Variants in SOX6 observed in about 807,000 individuals in gnomAD.
The protein encoded by SOX6 is transcription factor SOX-6.
In SOX6, 11 loss-of-function variants were observed where a neutral mutation model predicts 97.8. The ratio of observed to expected loss-of-function variants is 0.11; its 90% confidence interval spans 0.07 to 0.19. SOX6 has a LOEUF of 0.19. SOX6 is among the 10% of genes least tolerant of loss of function. SOX6 has a pLI of 1.00. For synonymous variants in SOX6, 360 were observed against 371.4 expected (o/e 0.97, Z 0.35); for missense variants, 810 against 1,039.5 (o/e 0.78, Z 3.04).
chr11:16,623,557 C>T (rs1052563262), intron 3 of SOX6, among the ~76,000 whole-genome samples: 3 of 152,062 alleles, frequency 2.0e-5, no homozygotes, highest in African/African-American at 7.2e-5. Context: ...CAGAAGCTTT[C>T]GAGTTTAATT....
At chr11:16,738,292 C>T (rs1329443459) in intron 1 of SOX6, 1 of 164,310 alleles carries the variant, frequency 6.1e-6, no homozygotes, top group Non-Finnish European at 1.4e-5. Context: ...TTCAGTCAGC[C>T]TCAAACATTA....
At chr11:16,688,191 C>A (rs957151473) in intron 3 of SOX6, among the ~76,000 whole-genome samples, 8 of 152,076 alleles carry the variant, frequency 5.3e-5, no homozygotes, top group Admixed American at 3.3e-4. Flanking sequence ...CTAGGCTGGT[C>A]TCGAACTCCT....
chr11:16,301,405 A>G (rs890840536), intron 3 of SOX6, among the ~76,000 whole-genome samples: 1 of 152,156 alleles, frequency 6.6e-6, no homozygotes, highest in African/African-American at 2.4e-5. Context: ...GAGTATATCT[A>G]CTATACCATA....
intron 2 of SOX6, among the ~76,000 whole-genome samples, chr11:16,720,766 G>A (rs1848254996): frequency 6.6e-6 from 1 of 151,970 alleles, no homozygotes; most frequent in Non-Finnish European, 1.5e-5. Flanking sequence ...AGTTAATACT[G>A]TATAAAGTAT....
chr11:16,120,074 T>C (rs932557807), intron 6 of SOX6, among the ~76,000 whole-genome samples: 3 of 151,888 alleles, frequency 2.0e-5, no homozygotes, highest in Non-Finnish European at 2.9e-5. Context: ...GTTTGTTTGT[T>C]TGTTTGTTAT....
intron 1 of SOX6, among the ~76,000 whole-genome samples, chr11:16,362,740 C>T (rs971361283): frequency 1.6e-4 from 25 of 152,044 alleles, no homozygotes; most frequent in African/African-American, 4.3e-4. Context: ...TAAATAAAAA[C>T]GCCTGCTTCA....
At chr11:16,254,817 C>G (rs914111892) in intron 3 of SOX6, among the ~76,000 whole-genome samples, 1 of 151,836 alleles carries the variant, frequency 6.6e-6, no homozygotes. Context: ...ATACACCAAT[C>G]TAAAAACAGA....
chr11:16,198,606 AG>A (rs1181584453), intron 4 of SOX6, among the ~76,000 whole-genome samples: 1 of 152,194 alleles, frequency 6.6e-6, no homozygotes, highest in Non-Finnish European at 1.5e-5. Context: ...CACAACTGGT[AG>A]TACTTAAAAA....
chr11:16,271,033 T>A (rs1321429257), intron 3 of SOX6, among the ~76,000 whole-genome samples: 1 of 151,418 alleles, frequency 6.6e-6, no homozygotes, highest in Non-Finnish European at 1.5e-5. Flanking sequence ...TATATTTATT[T>A]TACCACAGTA....
intron 4 of SOX6, among the ~76,000 whole-genome samples, chr11:16,560,436 TACATATATGTTTATAC>T: frequency 7.6e-6 from 1 of 131,400 alleles, no homozygotes; most frequent in Non-Finnish European, 1.8e-5. Context: ...TGTTTATACG[TACATATATGTTTATAC>T]GTACATATAT....
At chr11:16,581,850 T>A (rs1167044457) in intron 4 of SOX6, among the ~76,000 whole-genome samples, 1 of 150,954 alleles carries the variant, frequency 6.6e-6, no homozygotes, top group African/African-American at 2.4e-5. Flanking sequence ...TAATCCCAGG[T>A]ACTTGGGAGG....
At chr11:16,726,178 G>A (rs1339842540) in intron 2 of SOX6, among the ~76,000 whole-genome samples, 2 of 146,312 alleles carry the variant, frequency 1.4e-5, no homozygotes, top group African/African-American at 4.8e-5. Context: ...GGAGGCCAAG[G>A]CGGGAGGATT....
At chr11:16,037,342 G>A (rs1855545262) in intron 12 of SOX6, among the ~76,000 whole-genome samples, 1 of 152,136 alleles carries the variant, frequency 6.6e-6, no homozygotes. Flanking sequence ...CACTAAACTT[G>A]TGATATGTCC....
At chr11:15,976,161 G>A (rs1046286346) in intron 15 of SOX6, among the ~76,000 whole-genome samples, 4 of 152,112 alleles carry the variant, frequency 2.6e-5, no homozygotes, top group East Asian at 3.9e-4. Context: ...ACAACTGTTC[G>A]AGGTTGTACA....
At chr11:16,513,144 T>C (rs868641255) in intron 4 of SOX6, among the ~76,000 whole-genome samples, 9 of 152,330 alleles carry the variant, frequency 5.9e-5, no homozygotes, top group Middle Eastern at 6.8e-3. Context: ...AAGAAGCATA[T>C]GTGCAACTTC....
chr11:16,478,102 T>C (rs1860286897), upstream of SOX6, among the ~76,000 whole-genome samples: 16 of 152,246 alleles, frequency 1.1e-4, no homozygotes, highest in Admixed American at 1.0e-3. Flanking sequence ...AGTTATAAAT[T>C]ATAATTTCCT....
intron 6 of SOX6, among the ~76,000 whole-genome samples, chr11:16,144,966 T>C (rs57058857): frequency 0.025 from 3,873 of 152,146 alleles, 170 homozygotes; most frequent in African/African-American, 0.088. Flanking sequence ...TTCCAATCAA[T>C]AGAAAAAGAG....
chr11:16,571,890 T>C (rs995749483), intron 4 of SOX6, among the ~76,000 whole-genome samples: 2 of 152,218 alleles, frequency 1.3e-5, no homozygotes, highest in Non-Finnish European at 2.9e-5. Context: ...TGACCTCAAG[T>C]GACCCACCCA....
intron 4 of SOX6, among the ~76,000 whole-genome samples, chr11:16,222,816 A>G (rs779314482): frequency 1.3e-5 from 2 of 152,150 alleles, no homozygotes; most frequent in East Asian, 1.9e-4. Flanking sequence ...AACACTCTCA[A>G]TAAAATTCAG....
Sources: gnomAD v4.1 joint callset for allele counts (sites outside exome capture counted in the v4.1 genomes callset) on GRCh38, gnomAD v4.1.1 for gene constraint, MANE v1.5 for transcripts, NCBI Gene and HGNC (gene_info 2026-07-23, HGNC 2026-07-21) for gene names.